The following XPO7 variants were observed in gnomAD, a reference collection of about 807,000 sequenced individuals.
XPO7 encodes exportin 7.
Under a neutral mutation model 144.3 loss-of-function variants are expected in XPO7, and 21 were observed. The ratio of observed to expected loss-of-function variants is 0.15; its 90% CI spans 0.10 to 0.21. XPO7 has a LOEUF of 0.21. Ranked by LOEUF, XPO7 falls within the 10% of genes least tolerant of loss-of-function variation. XPO7 has a pLI of 1.00. For missense variants in XPO7, 808 were observed against 1,325.8 expected (o/e 0.61, Z 6.06); for synonymous variants, 580 against 499.6 (o/e 1.16, Z -2.15).
intron 21 of XPO7, among the ~76,000 whole-genome samples, chr8:21,997,842 G>GGT (rs1004781574): frequency 2.0e-5 from 3 of 152,084 alleles, no homozygotes; most frequent in African/African-American, 7.2e-5. Context: ...GATTCAGTGT[G>GGT]GTGGGGGGGA....
Position 21,931,101 on chromosome 8 carries a change from C to T in XPO7, c.18+11313C>T, listed in dbSNP as rs546023339. 2.0e-5 allele frequency among the ~76,000 whole-genome samples: 3 copies of T among 152,264 alleles called. 1 individual carries two copies. The highest frequency in any genetic ancestry group is 3.9e-4 in the East Asian group (2 of 5,184). ...TCAAGTGATCTGCCCACCTCTGCTT[C>T]CCAAAGTGCTGGGATTACAGCCATG... On this transcript the variant is annotated intron_variant, in intron 1 of 27. Transcript: ENST00000252512.
intron 1 of XPO7, among the ~76,000 whole-genome samples, chr8:21,960,129 A>G (rs529048526): frequency 1.2e-3 from 184 of 152,368 alleles, no homozygotes; most frequent in African/African-American, 4.1e-3. Context: ...GAGCCTGCCC[A>G]GGAAAGCACT....
At chr8:21,956,248 T>C (rs1205695323) in intron 1 of XPO7, among the ~76,000 whole-genome samples, 1 of 152,228 alleles carries the variant, frequency 6.6e-6, no homozygotes, top group East Asian at 1.9e-4. Context: ...TGTTGGCTTC[T>C]TGTTTCCAGT....
chr8:21,984,199 T>C (rs1000931170), intron 11 of XPO7, among the ~76,000 whole-genome samples: 1 of 152,156 alleles, frequency 6.6e-6, no homozygotes, highest in Non-Finnish European at 1.5e-5. Flanking sequence ...TTATATGATA[T>C]GGTAGAAGCA....
chr8:21,994,197 A>C (rs1365005062), intron 19 of XPO7, among the ~76,000 whole-genome samples, 166 bp from the exon 20 acceptor site: 1 of 152,210 alleles, frequency 6.6e-6, no homozygotes, highest in East Asian at 1.9e-4. Flanking sequence ...TGCTAGAATG[A>C]AAATATGCCA....
At chr8:21,999,356 T>G (rs1472321512) in intron 23 of XPO7, 51 bp downstream of exon 23, 6 of 1,599,642 alleles carry the variant, frequency 3.8e-6, no homozygotes, top group Non-Finnish European at 5.1e-6. Flanking sequence ...ACATTCAGCC[T>G]TTTTCACCTG....
At chr8:21,935,895 G>A (rs1810806385) in intron 1 of XPO7, among the ~76,000 whole-genome samples, 2 of 152,104 alleles carry the variant, frequency 1.3e-5, no homozygotes, top group South Asian at 4.2e-4. Flanking sequence ...AACTCAATCA[G>A]CTTTCCTCAT....
chr8:21,963,256 G>A (rs557287756), intron 1 of XPO7, among the ~76,000 whole-genome samples: 7 of 152,238 alleles, frequency 4.6e-5, no homozygotes, highest in South Asian at 4.1e-4. Flanking sequence ...GAACACCTGC[G>A]GATCTGACTG....
At chr8:21,961,464 C>G (rs375154708) in intron 1 of XPO7, among the ~76,000 whole-genome samples, 1 of 152,236 alleles carries the variant, frequency 6.6e-6, no homozygotes. Flanking sequence ...AGTCCTCCCA[C>G]CTCAGCCTCC....
intron 1 of XPO7, among the ~76,000 whole-genome samples, chr8:21,960,471 A>G (rs949308139): frequency 5.3e-5 from 8 of 152,236 alleles, no homozygotes; most frequent in African/African-American, 9.6e-5. Flanking sequence ...CATTCTGGCT[A>G]TTTACTTCAT....
Position 21,973,993 on chromosome 8 carries a change from CTT to C in XPO7, c.493-676_493-675del, listed in dbSNP as rs143778069. Among the ~76,000 whole-genome samples, 640 of 152,188 alleles carry C rather than the reference CTT, an allele frequency of 4.2e-3. 3 individuals are homozygous for C. Among genetic ancestry groups the C allele is most frequent in the African/African-American group, 0.015 (618 of 41,518 alleles). On this transcript the variant is annotated intron_variant, in intron 5 of 27. Transcript: ENST00000252512. ...TTGTCATTTGTAAATTCTGCAGTAA[CTT>C]CAGCGTTGAGGGTTTTTTTTGTTTT...
chr8:21,972,941 A>G (rs561758428), intron 5 of XPO7, among the ~76,000 whole-genome samples: 1 of 152,346 alleles, frequency 6.6e-6, no homozygotes, highest in South Asian at 2.1e-4. Context: ...GTAATTACCA[A>G]AATAATAACA....
intron 11 of XPO7, 33 bp downstream of exon 11, chr8:21,982,845 C>A: frequency 1.3e-6 from 2 of 1,562,872 alleles, no homozygotes; most frequent in Non-Finnish European, 8.6e-7. Flanking sequence ...ATTCCCGCAC[C>A]AGTGGCCTGT....
intron 17 of XPO7, 72 bp downstream of exon 17, chr8:21,990,479 A>G (rs1812734786): frequency 9.7e-6 from 15 of 1,543,542 alleles, no homozygotes; most frequent in Middle Eastern, 1.7e-4. Flanking sequence ...CATAAAGGAG[A>G]TATGTAAACT....
chr8:22,001,777 A>G (rs1019382934), intron 24 of XPO7, among the ~76,000 whole-genome samples: 1 of 152,226 alleles, frequency 6.6e-6, no homozygotes, highest in African/African-American at 2.4e-5. Flanking sequence ...TAAATTAGAG[A>G]TAACACCTAT....
At chr8:21,987,753 T>C in intron 14 of XPO7, 31 bp from the exon 15 acceptor site, 1 of 1,611,090 alleles carries the variant, frequency 6.2e-7, no homozygotes, top group South Asian at 1.1e-5. Context: ...GTAATTCATG[T>C]GTTCTGGTTA....
At chr8:21,956,524 G>A (rs1278824189) in intron 1 of XPO7, among the ~76,000 whole-genome samples, 2 of 152,126 alleles carry the variant, frequency 1.3e-5, no homozygotes, top group Non-Finnish European at 2.9e-5. Context: ...ACCATTCTCT[G>A]TTCTGTCTTT....
chr8:21,960,786 GGTTGTAAAAGCATTTAGC>G (rs1298887885), intron 1 of XPO7, among the ~76,000 whole-genome samples: 2 of 152,118 alleles, frequency 1.3e-5, no homozygotes, highest in Non-Finnish European at 2.9e-5. Flanking sequence ...TGGGAGTCGT[GGTTGTAAAAGCATTTAGC>G]GTTGTAAAAC....
At chr8:21,961,121 A>G (rs1462508806) in intron 1 of XPO7, among the ~76,000 whole-genome samples, 1 of 152,098 alleles carries the variant, frequency 6.6e-6, no homozygotes, top group Non-Finnish European at 1.5e-5. Flanking sequence ...GGGAACTGTT[A>G]ACATTTAGTG....
Sources: gnomAD v4.1 joint callset for allele counts (sites outside exome capture counted in the v4.1 genomes callset) on GRCh38, gnomAD v4.1.1 for gene constraint, MANE v1.5 for transcripts, NCBI Gene and HGNC (gene_info 2026-07-23, HGNC 2026-07-21) for gene names.